The following EIF2AK2 variants were observed in gnomAD, a reference collection of about 807,000 sequenced individuals.
The protein encoded by EIF2AK2 is interferon-induced, double-stranded RNA-activated protein kinase.
A neutral mutation model predicts 70.5 loss-of-function variants in EIF2AK2; 40 were observed. The ratio of observed to expected loss-of-function variants is 0.57; its 90% CI spans 0.44 to 0.74. EIF2AK2 has a LOEUF of 0.74. EIF2AK2 is among the 30% of genes least tolerant of loss of function. The pLI is 0.00. For missense variants in EIF2AK2, 555 were observed against 644.3 expected (o/e 0.86, Z 1.50); for synonymous variants, 198 against 220.9 (o/e 0.90, Z 0.92).
At chr2:37,112,914 C>T (rs1674206828) in intron 14 of EIF2AK2, among the ~76,000 whole-genome samples, 1 of 152,150 alleles carries the variant, frequency 6.6e-6, no homozygotes, top group African/African-American at 2.4e-5. Context: ...CAAGAAGTTC[C>T]CATTCCTCCC....
chr2:37,136,718 C>G, intron 9 of EIF2AK2: 1 of 244,402 alleles, frequency 4.1e-6, no homozygotes. Flanking sequence ...CAGCCCAATT[C>G]CTTGCCAGTC....
At chr2:37,139,853 A>T in intron 5 of EIF2AK2, 96 bp from the exon 6 acceptor site, 1 of 1,234,000 alleles carries the variant, frequency 8.1e-7, no homozygotes, top group Non-Finnish European at 1.1e-6. Context: ...AGAGATCTTA[A>T]GATAACACCA....
chr2:37,139,796 A>C (rs1483151309), intron 5 of EIF2AK2, 39 bp from the exon 6 acceptor site: 1 of 1,574,210 alleles, frequency 6.4e-7, no homozygotes, highest in Non-Finnish European at 8.6e-7. Context: ...CAAACATGAA[A>C]AATATAGCAA....
chr2:37,112,131 T>C (rs1452871431), intron 14 of EIF2AK2, among the ~76,000 whole-genome samples: 1 of 151,750 alleles, frequency 6.6e-6, no homozygotes, highest in East Asian at 1.9e-4. Context: ...GAGCAGAACA[T>C]GTAAAAGCCA....
rs190875020 is a variant in EIF2AK2 at position 37,146,780 on chromosome 2, T to A, written c.240+73A>T. 3 of 1,566,102 alleles carry A rather than the reference T, an allele frequency of 1.9e-6. No individual in the cohort carries two copies. In the Admixed American group the frequency reaches 5.4e-5, roughly 28 times the overall value. Reference sequence around the variant, plus strand: ...TGAATGGCTTTACTCTGTATGAAAGTATTTTCTCACAGAGAGAAACAGAAA... The same window carrying A: ...TGAATGGCTTTACTCTGTATGAAAGAATTTTCTCACAGAGAGAAACAGAAA... On this transcript the variant is annotated intron_variant, in intron 4 of 16. Transcript: ENST00000233057.
At chr2:37,132,149 C>G (rs1037625753) in intron 10 of EIF2AK2, among the ~76,000 whole-genome samples, 2 of 152,138 alleles carry the variant, frequency 1.3e-5, no homozygotes, top group Admixed American at 1.3e-4. Context: ...CACACCTCAA[C>G]CAACCATCCA....
At chr2:37,113,169 A>C (rs180722909) in intron 14 of EIF2AK2, among the ~76,000 whole-genome samples, 3 of 152,312 alleles carry the variant, frequency 2.0e-5, no homozygotes, top group Admixed American at 1.3e-4. Context: ...AAAAATGAGA[A>C]ACCTAGCAGC....
Position 37,102,172 on chromosome 2 carries a change from C to T in EIF2AK2, c.*5101G>A, listed in dbSNP as rs769684315. On this transcript the variant is annotated 3_prime_UTR_variant, in exon 17 of 17. Coordinates refer to ENST00000233057, the MANE Select transcript of EIF2AK2 (RefSeq NM_001135651.3). ...GGAGGATCACTTGAGCCTAGGAGTT[C>T]GAGGTTACAAGGAGCTGTGATCGTA... is the stretch of plus-strand genomic sequence containing the variant. The T allele has an allele frequency of 6.6e-6, 1 of 151,788 alleles. No individual in the cohort carries two copies. Among genetic ancestry groups the T allele is most frequent in the African/African-American group, 2.4e-5 (1 of 41,276 alleles). 9.4% of individuals were successfully genotyped at this position (151,788 alleles called of 1,614,324 possible). A position where few individuals can be genotyped will look rare whatever the true frequency, so the allele number is the denominator to read the frequency against.
At chr2:37,137,535 C>T (rs1015610697) in intron 8 of EIF2AK2, among the ~76,000 whole-genome samples, 4 of 152,190 alleles carry the variant, frequency 2.6e-5, no homozygotes, top group African/African-American at 9.7e-5. Flanking sequence ...TCTCAAACTC[C>T]TGGGCTAAAG....
Position 37,147,738 on chromosome 2 carries a change from T to C in EIF2AK2, c.69A>G (p.Val23=), listed in dbSNP as rs760796876. The change falls in exon 3 of 17, where the codon GTA becomes GTG. Residue 23 remains valine (V), a synonymous_variant. Coordinates refer to ENST00000233057, the MANE Select transcript of EIF2AK2 (RefSeq NM_001135651.3). ...TAGGCAGTTCTTGATATTTAAGTACTACTCCCTGCTTCTGACGGTATGTAT... is the reference window on the plus strand; with the variant it reads ...TAGGCAGTTCTTGATATTTAAGTACCACTCCCTGCTTCTGACGGTATGTAT... ...ELNTYRQKQG[V]VLKYQELPNS... 5 of 1,613,558 alleles carry C rather than the reference T, an allele frequency of 3.1e-6. No homozygotes were observed. Among genetic ancestry groups the C allele is most frequent in the Admixed American group, 3.3e-5 (2 of 59,986 alleles).
At chr2:37,156,792 C>G (rs1229177482) in intron 1 of EIF2AK2, 116 bp downstream of exon 1, 2 of 153,496 alleles carry the variant, frequency 1.3e-5, no homozygotes, top group African/African-American at 4.8e-5. Flanking sequence ...CGTCCGCGTC[C>G]TGAGCTGGGG....
chr2:37,155,342 CAGGTA>C (rs1675885494), intron 1 of EIF2AK2, among the ~76,000 whole-genome samples: 1 of 152,190 alleles, frequency 6.6e-6, no homozygotes, highest in Non-Finnish European at 1.5e-5. Flanking sequence ...TGAATTACTA[CAGGTA>C]AGGGACCAGG....
Position 37,122,535 on chromosome 2 carries a change from A to G in EIF2AK2, c.1038T>C (p.Tyr346=), listed in dbSNP as rs1291545048. The change falls in exon 12 of 17, where the codon TAT becomes TAC. Residue 346 remains tyrosine, a synonymous_variant. Transcript: ENST00000233057. ...TSDDSLESSD[Y]DPENSKNSSR... ...AACTATTTTTGCTGTTCTCAGGATC[A>G]TAATCACTGCTCTCAAGAGAATCAT... 1 of 1,614,016 alleles carries G rather than the reference A, an allele frequency of 6.2e-7. No individual in the cohort carries two copies. The highest frequency in any genetic ancestry group is 1.6e-4 in the Middle Eastern group (1 of 6,062).
rs1674595991 is a variant in EIF2AK2, at chr2:37,122,602, T to C, written c.971A>G (p.Asn324Ser). 1.9e-6 allele frequency: 3 copies of C among 1,614,180 alleles called. No homozygotes were observed. The highest frequency in any genetic ancestry group is 1.1e-5 in the South Asian group (1 of 91,078). ...ATAATCAAATCCATCCCAACAGCCA[T>C]TGTAGTGAACAATATTTACATGATC... The part of the protein sequence containing the change: ...KLDHVNIVHY[N>S]GCWDGFDYDP... Residue 324 changes from asparagine to serine, a missense_variant, in exon 12 of 17, where the codon AAT becomes AGT. By Grantham distance (46) the Asn-to-Ser change is conservative (BLOSUM62 1). Around this residue, in one of 3 missense-constraint regions of EIF2AK2, gnomAD observed 299 missense variants for 375.4 expected, o/e 0.80. Transcript: ENST00000233057.
chr2:37,123,950 C>A (rs1674643858), intron 11 of EIF2AK2, among the ~76,000 whole-genome samples: 1 of 151,776 alleles, frequency 6.6e-6, no homozygotes, highest in African/African-American at 2.4e-5. Context: ...TTTGACAATC[C>A]TAAAATAATG....
Position 37,136,280 on chromosome 2 carries a change from A to G in EIF2AK2, c.722+703T>C, listed in dbSNP as rs180862748. The stretch of plus-strand genomic sequence containing the variant: ...ACTGCATCCTGTTCAAAGTGAAGCA[A>G]TCTTCAAATCCTTTCTCCTTTACCT... On this transcript the variant is annotated intron_variant, in intron 9 of 16. Coordinates refer to ENST00000233057, the MANE Select transcript of EIF2AK2 (RefSeq NM_001135651.3). Among the ~76,000 whole-genome samples, 136 of 152,310 alleles carry G rather than the reference A, an allele frequency of 8.9e-4. 1 individual carries two copies. Among genetic ancestry groups the G allele is most frequent in the Non-Finnish European group, 1.6e-3 (107 of 68,016 alleles).
intron 14 of EIF2AK2, among the ~76,000 whole-genome samples, chr2:37,113,233 C>T (rs1431942723): frequency 1.3e-5 from 2 of 151,962 alleles, no homozygotes; most frequent in Non-Finnish European, 2.9e-5. Context: ...TGGTGGCTCA[C>T]GTCTGTAATC....
intron 1 of EIF2AK2, among the ~76,000 whole-genome samples, chr2:37,149,582 G>A (rs1675673210): frequency 6.6e-6 from 1 of 152,022 alleles, no homozygotes; most frequent in Non-Finnish European, 1.5e-5. Flanking sequence ...AAATTTCAGT[G>A]ACCTAGATTT....
At chr2:37,139,374 G>C (rs1675247111) in intron 6 of EIF2AK2, among the ~76,000 whole-genome samples, 1 of 147,570 alleles carries the variant, frequency 6.8e-6, no homozygotes. Flanking sequence ...GCCTCCCAAA[G>C]TGCTGGGATT....
Sources: allele counts gnomAD v4.1 joint callset (sites outside exome capture counted in the v4.1 genomes callset), GRCh38; gene constraint gnomAD v4.1.1; regional missense constraint gnomAD v4.1.1; transcripts MANE v1.5; gene names NCBI Gene and HGNC (gene_info 2026-07-23, HGNC 2026-07-21).